Variants in MAP4K3 observed in about 807,000 individuals in gnomAD.
MAP4K3 encodes MAPK/ERK kinase kinase kinase 3.
MAP4K3 carries 94 observed loss-of-function variants against 143.5 expected under a neutral mutation model. That is an observed-to-expected ratio of 0.65 (90% CI 0.55 to 0.78). MAP4K3 has a LOEUF of 0.78. MAP4K3 is among the 30% of genes least tolerant of loss of function. MAP4K3 has a pLI of 0.00. For synonymous variants in MAP4K3, 416 were observed against 347.2 expected (o/e 1.20, Z -2.20); for missense variants, 1,077 against 1,068.1 (o/e 1.01, Z -0.12).
At chr2:39,402,961 T>C (rs1037224782) in intron 1 of MAP4K3, among the ~76,000 whole-genome samples, 2 of 152,124 alleles carry the variant, frequency 1.3e-5, no homozygotes, top group African/African-American at 2.4e-5. Context: ...ATGAAATGAA[T>C]ACATTCTTTG....
intron 18 of MAP4K3, among the ~76,000 whole-genome samples, chr2:39,292,184 G>T (rs759071887): frequency 7.1e-4 from 108 of 152,254 alleles, no homozygotes; most frequent in Non-Finnish European, 1.1e-3. Context: ...CTTTGTAGTT[G>T]TAGTAAAATT....
chr2:39,288,827 C>T (rs573398454), intron 19 of MAP4K3, among the ~76,000 whole-genome samples: 3 of 151,968 alleles, frequency 2.0e-5, no homozygotes, highest in Admixed American at 6.6e-5. Flanking sequence ...CTGAGGCGAG[C>T]GGATCACGAG....
At chr2:39,315,448 A>G in intron 12 of MAP4K3, 60 bp from the exon 13 acceptor site, 1 of 1,145,824 alleles carries the variant, frequency 8.7e-7, no homozygotes, top group South Asian at 1.4e-5. Flanking sequence ...AGTTTGGTCC[A>G]CAAAATTACC....
At chr2:39,254,178 T>C (rs996262661) in intron 32 of MAP4K3, among the ~76,000 whole-genome samples, 3 of 152,190 alleles carry the variant, frequency 2.0e-5, no homozygotes, top group Admixed American at 1.3e-4. Context: ...AAAATCATAG[T>C]TGGCTCACTT....
intron 1 of MAP4K3, among the ~76,000 whole-genome samples, chr2:39,412,564 A>C (rs1667260639): frequency 6.6e-6 from 1 of 152,080 alleles, no homozygotes; most frequent in Admixed American, 6.5e-5. Context: ...AAATAAAAAC[A>C]AACAAACAAA....
At chr2:39,347,903 T>C (rs77540647) in intron 3 of MAP4K3, among the ~76,000 whole-genome samples, 5,151 of 152,116 alleles carry the variant, frequency 0.034, 126 homozygotes, top group South Asian at 0.056. Context: ...TCAACTTTAA[T>C]AGTCTGTATT....
At chr2:39,419,883 C>G (rs1417998701) in intron 1 of MAP4K3, among the ~76,000 whole-genome samples, 1 of 152,200 alleles carries the variant, frequency 6.6e-6, no homozygotes, top group East Asian at 1.9e-4. Flanking sequence ...TGTGGTTTTA[C>G]TGACGGGATA....
intron 6 of MAP4K3, among the ~76,000 whole-genome samples, chr2:39,335,766 C>CA (rs1031513444): frequency 4.6e-5 from 7 of 152,100 alleles, no homozygotes; most frequent in African/African-American, 1.4e-4. Flanking sequence ...AAGTGGATCA[C>CA]AAAAAAATAC....
Position 39,351,522 on chromosome 2 carries a change from A to G in MAP4K3, c.245+4727T>C, listed in dbSNP as rs1206056856. The stretch of plus-strand genomic sequence containing the variant: ...CTTAAAGGGAAGGATTAGGTTTTAG[A>G]TATCTTTCTGTGGAAATCAACACTG... On this transcript the variant is annotated intron_variant, in intron 3 of 33. Transcript: ENST00000263881. Among the ~76,000 whole-genome samples, 3 of 32,186 alleles carry G rather than the reference A, an allele frequency of 9.3e-5. No individual in the cohort carries two copies. In the South Asian group the frequency reaches 2.0e-3, roughly 21 times the overall value. 21.1% of individuals were successfully genotyped at this position (32,186 alleles called of 152,430 possible).
chr2:39,350,256 A>C (rs1259650456), intron 3 of MAP4K3, among the ~76,000 whole-genome samples: 1 of 152,228 alleles, frequency 6.6e-6, no homozygotes, highest in African/African-American at 2.4e-5. Flanking sequence ...GAAAAGAGAA[A>C]GACATGAACA....
At chr2:39,265,503 TAACTTGCAGGA>T (rs1398440472) in intron 27 of MAP4K3, among the ~76,000 whole-genome samples, 197 bp from the exon 28 acceptor site, 1 of 152,234 alleles carries the variant, frequency 6.6e-6, no homozygotes, top group Non-Finnish European at 1.5e-5. Context: ...AATGCCCTCT[TAACTTGCAGGA>T]TTTTTATTTG....
intron 21 of MAP4K3, among the ~76,000 whole-genome samples, chr2:39,283,450 TCCC>T (rs1298691369): frequency 2.0e-5 from 3 of 152,222 alleles, no homozygotes; most frequent in Non-Finnish European, 4.4e-5. Context: ...TGAATTCTTT[TCCC>T]ATTTTTTTTA....
At chr2:39,358,279 A>G (rs940559526) in intron 2 of MAP4K3, among the ~76,000 whole-genome samples, 1 of 152,150 alleles carries the variant, frequency 6.6e-6, no homozygotes, top group African/African-American at 2.4e-5. Context: ...CTAGAATACA[A>G]AGTCCTCTAG....
chr2:39,320,909 C>G (rs1683280188), intron 12 of MAP4K3, among the ~76,000 whole-genome samples: 1 of 152,030 alleles, frequency 6.6e-6, no homozygotes, highest in African/African-American at 2.4e-5. Flanking sequence ...GTCTTAGATT[C>G]AATAAGGCAA....
intron 1 of MAP4K3, among the ~76,000 whole-genome samples, chr2:39,406,428 C>T (rs918799430): frequency 1.3e-5 from 2 of 152,106 alleles, no homozygotes; most frequent in Non-Finnish European, 2.9e-5. Flanking sequence ...TACCTCAAGA[C>T]ATTGAATACT....
At chr2:39,428,899 C>A (rs557886347) in intron 1 of MAP4K3, among the ~76,000 whole-genome samples, 74 of 151,154 alleles carry the variant, frequency 4.9e-4, no homozygotes, top group Non-Finnish European at 9.4e-4. Context: ...GAAATCCCGT[C>A]TCTACTAAGA....
chr2:39,272,308 T>C lies in MAP4K3; in HGVS notation c.1948A>G (p.Lys650Glu). 4 of 1,613,550 alleles carry C rather than the reference T, an allele frequency of 2.5e-6. No individual in the cohort carries two copies. Among genetic ancestry groups the C allele is most frequent in the Non-Finnish European group, 3.4e-6 (4 of 1,179,550 alleles). Residue 650 changes from lysine to glutamate, a missense_variant, in exon 26 of 34, where the codon AAA becomes GAA. Lys to Glu is a moderately conservative substitution (Grantham distance 56, BLOSUM62 1). Coordinates refer to ENST00000263881, the MANE Select transcript of MAP4K3 (RefSeq NM_003618.4). ...QKLPVAIPAHKLPDRILPRKF... is the reference protein window; with the variant it reads ...QKLPVAIPAHELPDRILPRKF... ...CTTGGCAGTATTCTGTCAGGGAGTT[T>C]GTGTGCTGGAATAGCAACAGGTAAC...
intron 1 of MAP4K3, among the ~76,000 whole-genome samples, chr2:39,413,103 G>A (rs905370601): frequency 3.9e-5 from 6 of 152,176 alleles, no homozygotes; most frequent in Non-Finnish European, 1.5e-5. Context: ...TGAGCAGAAA[G>A]TACATCTCGA....
chr2:39,424,556 G>A (rs946475375), intron 1 of MAP4K3, among the ~76,000 whole-genome samples: 2 of 152,032 alleles, frequency 1.3e-5, no homozygotes, highest in Admixed American at 6.6e-5. Context: ...TAGGCCAGGC[G>A]CAGTGGCTCA....
Sources: gnomAD v4.1 joint callset for allele counts (sites outside exome capture counted in the v4.1 genomes callset) on GRCh38, gnomAD v4.1.1 for gene constraint, MANE v1.5 for transcripts, NCBI Gene and HGNC (gene_info 2026-07-23, HGNC 2026-07-21) for gene names.